TRANK1: variants seen among roughly 807,000 people sequenced by gnomAD.
TRANK1 encodes tetratricopeptide repeat and ankyrin repeat containing 1.
Under a neutral mutation model 266.0 loss-of-function variants are expected in TRANK1, and 198 were observed. The ratio of observed to expected loss-of-function variants is 0.74; its 90% CI spans 0.66 to 0.84. The LOEUF (loss-of-function observed/expected upper bound fraction) is 0.84. Among genes scored for constraint, TRANK1 ranks in the 40% least tolerant of loss-of-function variants. The pLI, the probability that TRANK1 is intolerant of heterozygous loss-of-function variation, is 0.00. For synonymous variants in TRANK1, 1,396 were observed against 1,384.1 expected (o/e 1.01, Z -0.19); for missense variants, 3,326 against 3,634.6 (o/e 0.92, Z 2.18).
In TRANK1 at chr3:36,832,312, T is replaced by TG; in HGVS notation, c.7270_7271insC (p.Glu2424AlafsTer71). On this transcript the variant is annotated frameshift_variant, in exon 22 of 24. Transcript: ENST00000645898. LOFTEE classifies it high-confidence loss of function. ...ACGGAAAAAGAGCCTCTTGTAGTCT[T>TG]CTGGGTTCCTGTACACGTAGAATTG... is the stretch of plus-strand genomic sequence containing the variant. 6.2e-7 allele frequency: 1 copy of TG among 1,613,988 alleles called. No homozygotes were observed. Among genetic ancestry groups the TG allele is most frequent in the Non-Finnish European group, 8.5e-7 (1 of 1,179,892 alleles).
chr3:36,926,785 A>G (rs2080293879), intron 1 of TRANK1, among the ~76,000 whole-genome samples: 2 of 152,252 alleles, frequency 1.3e-5, no homozygotes, highest in African/African-American at 4.8e-5. Flanking sequence ...TAAATGGTTC[A>G]GCAAATGGGA....
chr3:36,938,946 C>T (rs746953050), intron 1 of TRANK1, among the ~76,000 whole-genome samples: 2 of 150,532 alleles, frequency 1.3e-5, no homozygotes, highest in Non-Finnish European at 3.0e-5. Context: ...GGCAACAGAG[C>T]GAGAATCCGT....
At chr3:36,861,620 AT>A (rs1366804278) in intron 10 of TRANK1, among the ~76,000 whole-genome samples, 1 of 151,982 alleles carries the variant, frequency 6.6e-6, no homozygotes, top group African/African-American at 2.4e-5. Flanking sequence ...TGATAAATAA[AT>A]GTTTCCATCT....
At position 36,857,295 on chromosome 3, in the gene TRANK1, C is replaced by T; in HGVS notation, c.2427G>A (p.Glu809=). Residue 809 remains glutamate, a synonymous_variant, in exon 13 of 24, where the codon GAG becomes GAA. Transcript: ENST00000645898. This position sits in a 1 kb window ranked among gnomAD's most constrained non-coding sequence, Gnocchi z 4.3. ...QLVPDDNRGK[E]GNDDQDDWST... is the part of the protein sequence containing the mutation. ...TCCAGTCATCCTGATCATCATTGCC[C>T]TCCTTCCCCCTGTTATCATCAGGCA... is the stretch of plus-strand genomic sequence containing the variant. The T allele has an allele frequency of 6.2e-7, 1 of 1,609,352 alleles. No homozygotes were observed. Among genetic ancestry groups the T allele is most frequent in the South Asian group, 1.1e-5 (1 of 90,166 alleles).
At chr3:36,854,405 A>T (rs1260023028) in intron 13 of TRANK1, among the ~76,000 whole-genome samples, 4 of 152,150 alleles carry the variant, frequency 2.6e-5, no homozygotes, top group Non-Finnish European at 5.9e-5. Flanking sequence ...ACAACATAAC[A>T]TTAGGCAAAA....
At chr3:36,851,218 G>C in intron 15 of TRANK1, 1 of 986,062 alleles carries the variant, frequency 1.0e-6, no homozygotes, top group Non-Finnish European at 1.2e-6. Flanking sequence ...CCATGCTAGA[G>C]GGGTCTCTCA....
intron 17 of TRANK1, among the ~76,000 whole-genome samples, chr3:36,844,588 G>T (rs1244377174): frequency 6.6e-6 from 1 of 152,202 alleles, no homozygotes; most frequent in Non-Finnish European, 1.5e-5. Context: ...TGAGCTGAAG[G>T]AAAGATTGAG....
intron 22 of TRANK1, 75 bp downstream of exon 22, chr3:36,830,798 G>C (rs2078682032): frequency 1.4e-6 from 2 of 1,464,390 alleles, no homozygotes; most frequent in Admixed American, 2.5e-5. Context: ...GCCACGACAA[G>C]GAATTTAACC....
chr3:36,892,482 T>G, intron 6 of TRANK1, 142 bp from the exon 7 acceptor site: 2 of 1,101,970 alleles, frequency 1.8e-6, no homozygotes, highest in African/African-American at 3.2e-5. Context: ...AATAACAAAT[T>G]TGTGGTAAGG....
chr3:36,879,733 T>C (rs1374905575), intron 8 of TRANK1, among the ~76,000 whole-genome samples: 1 of 105,744 alleles, frequency 9.5e-6, no homozygotes, highest in East Asian at 3.4e-4. Context: ...TAAATATATA[T>C]AAATATACAA....
chr3:36,888,394 T>C (rs1417334688), intron 8 of TRANK1, among the ~76,000 whole-genome samples: 1 of 152,240 alleles, frequency 6.6e-6, no homozygotes, highest in Non-Finnish European at 1.5e-5. Context: ...AAAAATGTTC[T>C]AAAATGTATT....
At chr3:36,837,654 C>T (rs368524309) in intron 20 of TRANK1, among the ~76,000 whole-genome samples, 3 of 152,214 alleles carry the variant, frequency 2.0e-5, no homozygotes, top group East Asian at 1.9e-4. Context: ...ATTATCACCA[C>T]TTGGATGTCA....
At chr3:36,881,131 C>T (rs942944338) in intron 8 of TRANK1, among the ~76,000 whole-genome samples, 1 of 151,902 alleles carries the variant, frequency 6.6e-6, no homozygotes. Context: ...AGATACAGCT[C>T]ATATAACATA....
rs775226331 is a variant in TRANK1 at position 36,857,384 on chromosome 3, C to A, written c.2338G>T (p.Ala780Ser). 6.2e-7 allele frequency: 1 copy of A among 1,610,622 alleles called. No homozygotes were observed. The highest frequency in any genetic ancestry group is 8.5e-7 in the Non-Finnish European group (1 of 1,178,198). The change falls in exon 13 of 24, where the codon GCC becomes TCC. Residue 780 changes from alanine to serine, a missense_variant. By Grantham distance (99) the Ala-to-Ser change is moderately conservative. Transcript: ENST00000645898. The surrounding 1 kb of genome is among the most constrained non-coding windows in gnomAD (Gnocchi z 4.3). ...TCCCCCACCTCACTACAGTCAGGGG[C>A]CCCTGCACCCAGAGTCGGCTTGTCA... ...KDDKPTLGAGAPDCSEVGEGH... is the reference protein window; with the variant it reads ...KDDKPTLGAGSPDCSEVGEGH...
chr3:36,831,944 C>T lies in TRANK1; in HGVS notation c.7639G>A (p.Ala2547Thr), dbSNP rs1394389072. The change falls in exon 22 of 24, where the codon GCC becomes ACC. Residue 2547 changes from alanine (A) to threonine (T), a missense_variant. Physicochemically the swap from Ala to Thr is moderately conservative, Grantham distance 58. Transcript: ENST00000645898. The surrounding 1 kb of genome is among the most constrained non-coding windows in gnomAD (Gnocchi z 5.0). ...ENVNFNVLLD[A>T]FSEIDYVVSG... ...ACCACATAGTCTATTTCACTGAAGG[C>T]ATCAAGCAGGACGTTGAAGTTCACA... 2 of 1,613,932 alleles carry T rather than the reference C, an allele frequency of 1.2e-6. No homozygotes were observed. The highest frequency in any genetic ancestry group is 1.7e-6 in the Non-Finnish European group (2 of 1,179,916).
Position 36,914,450 on chromosome 3 carries a change from CTTT to C in TRANK1, c.24-5999_24-5997del, listed in dbSNP as rs10644293. 2.9e-5 allele frequency among the ~76,000 whole-genome samples: 4 copies of C among 137,702 alleles called. 1 individual carries two copies. The highest frequency in any genetic ancestry group is 8.1e-5 in the African/African-American group (3 of 36,876). 90.3% of individuals were successfully genotyped at this position (137,702 alleles called of 152,430 possible). Reference sequence around the variant, plus strand: ...GCCACTGCACCCAGCTGGTGTCTTCCTTTTTTTTTTTTTTTTAAGTAAATTTTA... The same window carrying C: ...GCCACTGCACCCAGCTGGTGTCTTCCTTTTTTTTTTTTTAAGTAAATTTTA... On this transcript the variant is annotated intron_variant, in intron 1 of 23. Transcript: ENST00000645898.
chr3:36,862,334 T>C (rs1335893324), intron 10 of TRANK1, among the ~76,000 whole-genome samples: 19 of 152,164 alleles, frequency 1.2e-4, no homozygotes, highest in Admixed American at 9.8e-4. Flanking sequence ...CCCATCTTTT[T>C]CCAAGTTTTC....
intron 22 of TRANK1, among the ~76,000 whole-genome samples, chr3:36,830,402 C>A (rs985616114): frequency 2.0e-5 from 3 of 152,006 alleles, no homozygotes; most frequent in Admixed American, 2.0e-4. Context: ...GACTTAAAGA[C>A]CCTCCTAAAA....
intron 1 of TRANK1, among the ~76,000 whole-genome samples, chr3:36,922,593 A>C (rs1026167496): frequency 6.6e-6 from 1 of 152,038 alleles, no homozygotes; most frequent in African/African-American, 2.4e-5. Flanking sequence ...TGAAAAAGTG[A>C]AACTCCATCT....
Sources: allele counts gnomAD v4.1 joint callset (sites outside exome capture counted in the v4.1 genomes callset), GRCh38; gene constraint gnomAD v4.1.1; non-coding constraint Gnocchi (gnomAD v3.1); transcripts MANE v1.5; gene names NCBI Gene and HGNC (gene_info 2026-07-23, HGNC 2026-07-21).